Variants in PTPRK observed in about 807,000 individuals in gnomAD.
PTPRK encodes the protein receptor-type tyrosine-protein phosphatase kappa.
In PTPRK, 75 loss-of-function variants were observed where a neutral mutation model predicts 178.0. The observed-to-expected ratio is 0.42, with a 90% CI of 0.35 to 0.51. The LOEUF is 0.51. PTPRK is among the 20% of genes least tolerant of loss of function. The probability of loss-of-function intolerance (pLI) is 0.02; values close to 1 mark genes in which losing one functional copy is unlikely to be tolerated. For missense variants in PTPRK, 1,441 were observed against 1,797.8 expected (o/e 0.80, Z 3.59); for synonymous variants, 637 against 620.6 (o/e 1.03, Z -0.39).
At position 127,988,135 on chromosome 6, in the gene PTPRK, T is replaced by G. The variant is rs193005672; in HGVS notation, c.3097-2260A>C. Among the ~76,000 whole-genome samples, 79 of 151,804 alleles carry G rather than the reference T, an allele frequency of 5.2e-4. 1 individual carries two copies. The East Asian group carries it at 0.012, about 22-fold the overall frequency. ...AAATTTTCAATATCTTATTTTGAAT[T>G]TTTTCATGTTCTTGAATGAAATTGG... On this transcript the variant is annotated intron_variant, in intron 21 of 29. Transcript: ENST00000368226.
At chr6:128,513,212 T>C (rs1857430483) in intron 1 of PTPRK, among the ~76,000 whole-genome samples, 2 of 152,232 alleles carry the variant, frequency 1.3e-5, no homozygotes, top group Admixed American at 1.3e-4. Context: ...GGGCCGGGCA[T>C]GGTGGCTCAC....
At position 127,969,052 on chromosome 6, in the gene PTPRK, A is replaced by G. The variant is rs1265226559; in HGVS notation, c.*1175T>C. 6.6e-6 allele frequency: 1 copy of G among 152,232 alleles called. No individual in the cohort carries two copies. The highest frequency in any genetic ancestry group is 2.4e-5 in the African/African-American group (1 of 41,466). The allele number at this position is 152,232 out of a possible 1,614,324, so 9.4% of individuals were successfully genotyped here. A position where few individuals can be genotyped will look rare whatever the true frequency, so the allele number is the denominator to read the frequency against. ...TATAGTCAGAACGCAAAGCTTGTGC[A>G]TGTAAACATCAAGAGAAACATTTTA... is the stretch of plus-strand genomic sequence containing the variant. On this transcript the variant is annotated 3_prime_UTR_variant, in exon 30 of 30. Coordinates refer to ENST00000368226, the MANE Select transcript of PTPRK (RefSeq NM_002844.4).
chr6:128,489,405 T>G (rs2128428241), intron 1 of PTPRK, among the ~76,000 whole-genome samples: 1 of 152,326 alleles, frequency 6.6e-6, no homozygotes, highest in Non-Finnish European at 1.5e-5. Flanking sequence ...GTAAGAGTCC[T>G]GCACACAGAG....
At chr6:128,162,212 A>G (rs1798808131) in intron 7 of PTPRK, among the ~76,000 whole-genome samples, 1 of 151,660 alleles carries the variant, frequency 6.6e-6, no homozygotes. Flanking sequence ...ACCTTTTTTT[A>G]TATTATTCAA....
chr6:128,121,917 A>G lies in PTPRK; in HGVS notation c.1163-31925T>C, dbSNP rs534051209. On this transcript the variant is annotated intron_variant, in intron 7 of 29. Coordinates refer to ENST00000368226, the MANE Select transcript of PTPRK (RefSeq NM_002844.4). ...AAAAATGAGTCAATATAGAATTTTT[A>G]CTGATTTGTGACCATCGTTAACCAT... Among the ~76,000 whole-genome samples the G allele has an allele frequency of 2.0e-5, 3 of 152,266 alleles. No homozygotes were observed. The South Asian group carries it at 6.2e-4, about 32-fold the overall frequency.
At chr6:128,048,059 T>C (rs1778365685) in intron 13 of PTPRK, among the ~76,000 whole-genome samples, 1 of 152,138 alleles carries the variant, frequency 6.6e-6, no homozygotes, top group Admixed American at 6.5e-5. Context: ...AAGGAAAACA[T>C]TTCTTTGAAG....
Position 127,971,832 on chromosome 6 carries a change from A to T in PTPRK, c.4269+1190T>A, listed in dbSNP as rs534323595. 2.0e-5 allele frequency among the ~76,000 whole-genome samples: 3 copies of T among 152,292 alleles called. No individual in the cohort carries two copies. The South Asian group carries it at 6.2e-4, about 32-fold the overall frequency. On this transcript the variant is annotated intron_variant, in intron 29 of 29. Transcript: ENST00000368226. ...TTTTAAGACTTGACCTGAAAAATGG[A>T]GGCAGAGTTTACATCAAGAAATCTT...
chr6:128,355,540 G>A (rs979203346), intron 2 of PTPRK, among the ~76,000 whole-genome samples: 2 of 152,060 alleles, frequency 1.3e-5, no homozygotes, highest in African/African-American at 2.4e-5. Flanking sequence ...GTGGGTATAG[G>A]TGCATGTATC....
intron 1 of PTPRK, among the ~76,000 whole-genome samples, chr6:128,470,213 A>C (rs1850430173): frequency 6.6e-6 from 1 of 151,786 alleles, no homozygotes; most frequent in African/African-American, 2.4e-5. Context: ...GGTCTATTTC[A>C]GACCCCATTA....
At chr6:128,017,182 TC>T (rs913104011) in intron 13 of PTPRK, among the ~76,000 whole-genome samples, 6 of 152,082 alleles carry the variant, frequency 3.9e-5, no homozygotes, top group African/African-American at 1.4e-4. Context: ...AATTATGCTT[TC>T]CCTTCCTACA....
chr6:128,423,854 C>T (rs767626311), intron 1 of PTPRK, among the ~76,000 whole-genome samples: 3 of 151,468 alleles, frequency 2.0e-5, no homozygotes, highest in Admixed American at 1.3e-4. Flanking sequence ...AAATACAGTA[C>T]ATAAAAAATA....
In PTPRK at chr6:128,055,855, C is replaced by T. The variant is rs12179279; in HGVS notation, c.2194+8903G>A. ...GGCTTGAAGGGATCTCTTGCCTTGG[C>T]TTCCCAAAGCACTAGGATTACAGGC... On this transcript the variant is annotated intron_variant, in intron 13 of 29. Transcript: ENST00000368226. Among the ~76,000 whole-genome samples, 1,454 of 152,220 alleles carry T rather than the reference C, an allele frequency of 9.6e-3. 23 individuals are homozygous for T. Among genetic ancestry groups the T allele is most frequent in the African/African-American group, 0.033 (1,361 of 41,542 alleles).
chr6:128,018,490 C>A (rs1195848906), intron 13 of PTPRK, among the ~76,000 whole-genome samples: 1 of 151,362 alleles, frequency 6.6e-6, no homozygotes. Context: ...TGTCAGGTGG[C>A]CTTAATTTTT....
Position 128,186,012 on chromosome 6 carries a change from T to A in PTPRK, c.869-1287A>T, listed in dbSNP as rs536729096. ...AGCTTAAAAGCCTCTGAATTACAAA[T>A]AACCTTAAAATTAGGAATAAGATTA... is the stretch of plus-strand genomic sequence containing the variant. On this transcript the variant is annotated intron_variant, in intron 6 of 29. Coordinates refer to ENST00000368226, the MANE Select transcript of PTPRK (RefSeq NM_002844.4). Among the ~76,000 whole-genome samples, 57 of 152,262 alleles carry A rather than the reference T, an allele frequency of 3.7e-4. 1 individual carries two copies. The South Asian group carries it at 9.3e-3, about 25-fold the overall frequency.
At chr6:128,185,408 T>A (rs570649944) in intron 6 of PTPRK, among the ~76,000 whole-genome samples, 4 of 152,160 alleles carry the variant, frequency 2.6e-5, no homozygotes, top group South Asian at 4.1e-4. Context: ...TTGGAAAACA[T>A]TATTTCAACA....
At chr6:128,397,237 T>C (rs117644881) in intron 2 of PTPRK, among the ~76,000 whole-genome samples, 220 of 152,332 alleles carry the variant, frequency 1.4e-3, no homozygotes, top group Non-Finnish European at 2.5e-3. Flanking sequence ...AAAGAGCTGA[T>C]CCCACATTTG....
At chr6:128,231,326 G>T (rs916424805) in intron 5 of PTPRK, among the ~76,000 whole-genome samples, 2 of 152,178 alleles carry the variant, frequency 1.3e-5, no homozygotes, top group African/African-American at 2.4e-5. Context: ...CTCTTAAGTG[G>T]ATCAGAATTA....
chr6:128,172,209 A>G (rs1354890801), intron 7 of PTPRK, among the ~76,000 whole-genome samples: 2 of 151,996 alleles, frequency 1.3e-5, no homozygotes, highest in Admixed American at 6.6e-5. Context: ...TGAATCACTA[A>G]CAATTTTCCC....
chr6:128,427,831 G>A (rs373132323), intron 1 of PTPRK, among the ~76,000 whole-genome samples: 1 of 152,130 alleles, frequency 6.6e-6, no homozygotes, highest in Non-Finnish European at 1.5e-5. Flanking sequence ...GGTGGCTCAC[G>A]CCTGCAATCC....
Sources: gnomAD v4.1 joint callset for allele counts (sites outside exome capture counted in the v4.1 genomes callset) on GRCh38, gnomAD v4.1.1 for gene constraint, MANE v1.5 for transcripts, NCBI Gene and HGNC (gene_info 2026-07-23, HGNC 2026-07-21) for gene names.